Variants in PDE8B observed in about 807,000 individuals in gnomAD.
PDE8B encodes the protein phosphodiesterase 8B, also known as high affinity cAMP-specific and IBMX-insensitive 3',5'-cyclic phosphodiesterase 8B.
PDE8B carries 26 observed loss-of-function variants against 101.3 expected under a neutral mutation model. The observed-to-expected ratio is 0.26, with a 90% CI of 0.19 to 0.36. PDE8B has a LOEUF of 0.36. PDE8B is among the 10% of genes least tolerant of loss of function. The pLI is 1.00. For missense variants in PDE8B, 810 were observed against 1,163.1 expected, an observed-to-expected ratio of 0.70 and a Z score of 4.42; for synonymous variants, 424 against 429.3, an observed-to-expected ratio of 0.99 and a Z score of 0.15.
chr5:77,417,096 G>A (rs540320915), intron 17 of PDE8B, among the ~76,000 whole-genome samples: 42 of 152,104 alleles, frequency 2.8e-4, no homozygotes, highest in Non-Finnish European at 1.0e-4. Context: ...CATGTTATCC[G>A]ATATGGTAGC....
At chr5:77,412,936 G>T (rs1399057484) in intron 16 of PDE8B, among the ~76,000 whole-genome samples, 175 bp from the exon 17 acceptor site, 1 of 152,136 alleles carries the variant, frequency 6.6e-6, no homozygotes, top group African/African-American at 2.4e-5. Context: ...CCAAAGAGGT[G>T]ACTGGTGAGA....
chr5:77,264,400 G>A (rs1167633536), intron 1 of PDE8B, among the ~76,000 whole-genome samples: 1 of 152,186 alleles, frequency 6.6e-6, no homozygotes, highest in Non-Finnish European at 1.5e-5. Flanking sequence ...GAGAGTTCCA[G>A]TATCTTCACA....
the PDE8B span, among the ~76,000 whole-genome samples, chr5:77,156,509 C>T: frequency 5.3e-5 from 8 of 152,198 alleles, no homozygotes; most frequent in East Asian, 1.9e-4. Flanking sequence ...GTGCCTATTA[C>T]GTACTGCTGT....
intron 4 of PDE8B, 115 bp from the exon 5 acceptor site, chr5:77,331,287 A>G: frequency 1.1e-6 from 1 of 913,672 alleles, no homozygotes; most frequent in Non-Finnish European, 1.8e-6. Context: ...CGTGCTCGTC[A>G]GGAAGCCACT....
intron 1 of PDE8B, among the ~76,000 whole-genome samples, chr5:77,305,311 A>C (rs183631870): frequency 1.2e-4 from 18 of 152,304 alleles, no homozygotes; most frequent in Non-Finnish European, 2.6e-4. Context: ...AGCAGGAAGG[A>C]GAAGGGAAGC....
At chr5:77,256,639 G>A (rs1329072122) in intron 1 of PDE8B, among the ~76,000 whole-genome samples, 1 of 152,160 alleles carries the variant, frequency 6.6e-6, no homozygotes, top group Non-Finnish European at 1.5e-5. Flanking sequence ...TCTATGGTGT[G>A]TCCTGGGCTC....
At chr5:77,190,070 C>A in the PDE8B span, among the ~76,000 whole-genome samples, 1 of 152,208 alleles carries the variant, frequency 6.6e-6, no homozygotes, top group Non-Finnish European at 1.5e-5. Context: ...TTGTTACCAT[C>A]AGCCCATTGG....
intron 14 of PDE8B, among the ~76,000 whole-genome samples, chr5:77,409,493 C>T (rs1794119952): frequency 6.6e-6 from 1 of 151,860 alleles, no homozygotes; most frequent in Admixed American, 6.6e-5. Context: ...CTATAGAATC[C>T]TTTATTTAAA....
chr5:77,333,824 G>T (rs16874198), intron 5 of PDE8B, among the ~76,000 whole-genome samples: 40,092 of 152,148 alleles, frequency 0.26, 6,190 homozygotes, highest in African/African-American at 0.43. Context: ...GGCTTCATTT[G>T]CCACTATCCA....
chr5:77,351,231 G>A (rs1781068297), intron 9 of PDE8B, 78 bp downstream of exon 9: 3 of 1,034,168 alleles, frequency 2.9e-6, no homozygotes, highest in South Asian at 2.6e-5. Flanking sequence ...TGAAATGCCA[G>A]TATGAGCCTT....
At chr5:77,247,739 T>C (rs1393917544) in intron 1 of PDE8B, among the ~76,000 whole-genome samples, 2 of 151,984 alleles carry the variant, frequency 1.3e-5, no homozygotes, top group African/African-American at 4.8e-5. Flanking sequence ...TCCTTCCCCC[T>C]CCCTGAGGGC....
At chr5:77,254,980 C>G (rs1430766725) in intron 1 of PDE8B, among the ~76,000 whole-genome samples, 1 of 152,124 alleles carries the variant, frequency 6.6e-6, no homozygotes, top group Non-Finnish European at 1.5e-5. Context: ...GAGAATCTTT[C>G]GTTTCTGTTG....
chr5:77,225,880 A>ACCCC (rs879406471), intron 1 of PDE8B, among the ~76,000 whole-genome samples: 1 of 100,718 alleles, frequency 9.9e-6, no homozygotes, highest in Non-Finnish European at 2.0e-5. Flanking sequence ...ACACACACAC[A>ACCCC]CCCCACGCAC....
At position 77,298,538 on chromosome 5, in the gene PDE8B, A is replaced by C. The variant is rs549830629; in HGVS notation, c.340-13456A>C. ...TTTCTGTTACAAAGATGCAGATTTC[A>C]GTGCAACTGAAGGCAGAACTTTCTA... On this transcript the variant is annotated intron_variant, in intron 1 of 21. Transcript: ENST00000264917. 9.0e-4 allele frequency among the ~76,000 whole-genome samples: 137 copies of C among 152,352 alleles called. 1 individual carries two copies. Among genetic ancestry groups the C allele is most frequent in the Non-Finnish European group, 2.2e-4 (15 of 68,030 alleles).
At chr5:77,110,955 C>T in the PDE8B span, among the ~76,000 whole-genome samples, 1 of 152,174 alleles carries the variant, frequency 6.6e-6, no homozygotes, top group Admixed American at 6.5e-5. Flanking sequence ...AATTCAACAC[C>T]CCTTCATGAT....
chr5:77,355,990 T>C (rs1782037761), intron 10 of PDE8B, among the ~76,000 whole-genome samples: 1 of 152,240 alleles, frequency 6.6e-6, no homozygotes, highest in South Asian at 2.1e-4. Context: ...TTTCATACTG[T>C]GGTGGCAGAG....
At chr5:77,202,361 A>G in the PDE8B span, among the ~76,000 whole-genome samples, 2 of 152,314 alleles carry the variant, frequency 1.3e-5, no homozygotes, top group East Asian at 3.9e-4. Flanking sequence ...TGCCTCTGCA[A>G]TCCCTGAAAC....
At position 77,384,014 on chromosome 5, in the gene PDE8B, A is replaced by G. The variant is rs976548653; in HGVS notation, c.1168-16234A>G. Among the ~76,000 whole-genome samples the G allele has an allele frequency of 3.3e-5, 5 of 152,088 alleles. 1 individual carries two copies. Among genetic ancestry groups the G allele is most frequent in the Admixed American group, 2.6e-4 (4 of 15,258 alleles). The stretch of plus-strand genomic sequence containing the variant: ...TTAAAGTAGTGTTTTTTCCAATTCT[A>G]TGAAGAAAGTCAATGGTAGCTTGAT... On this transcript the variant is annotated intron_variant, in intron 10 of 21. Coordinates refer to ENST00000264917, the MANE Select transcript of PDE8B (RefSeq NM_003719.5).
chr5:77,197,648 T>G, the PDE8B span, among the ~76,000 whole-genome samples: 8 of 151,736 alleles, frequency 5.3e-5, no homozygotes, highest in Non-Finnish European at 1.0e-4. Flanking sequence ...GATTCTTCTC[T>G]CTTTTCTTCT....
Sources: allele counts gnomAD v4.1 joint callset (sites outside exome capture counted in the v4.1 genomes callset), GRCh38; gene constraint gnomAD v4.1.1; transcripts MANE v1.5; gene names NCBI Gene and HGNC (gene_info 2026-07-23, HGNC 2026-07-21).